SNX30: variants seen among roughly 807,000 people sequenced by gnomAD.
The protein encoded by SNX30 is sorting nexin-30.
A neutral mutation model predicts 46.4 loss-of-function variants in SNX30; 24 were observed. The observed-to-expected ratio is 0.52, with a 90% CI of 0.37 to 0.73. The LOEUF (loss-of-function observed/expected upper bound fraction) is 0.73, where lower values mean the gene tolerates loss of function less well. Among genes scored for constraint, SNX30 ranks in the 30% least tolerant of loss-of-function variants. SNX30 has a pLI of 0.00. For synonymous variants in SNX30, 189 were observed against 211.5 expected (o/e 0.89, Z 0.92); for missense variants, 533 against 555.7 (o/e 0.96, Z 0.41).
chr9:112,825,811 A>G lies in SNX30; in HGVS notation c.460-4914A>G, dbSNP rs1435138468. Among the ~76,000 whole-genome samples the G allele has an allele frequency of 2.0e-5, 3 of 152,138 alleles. No individual in the cohort carries two copies. The East Asian group carries it at 5.8e-4, about 29-fold the overall frequency. On this transcript the variant is annotated intron_variant, in intron 3 of 8. Coordinates refer to ENST00000374232, the MANE Select transcript of SNX30 (RefSeq NM_001012994.2). ...ATAGATGGACTTGATTTCACCTGCA[A>G]CCCAGATTCCTATGTGTAAACAACC...
At chr9:112,868,732 C>A in intron 8 of SNX30, 52 bp from the exon 9 acceptor site, 1 of 1,601,808 alleles carries the variant, frequency 6.2e-7, no homozygotes, top group Non-Finnish European at 8.6e-7. Flanking sequence ...TTGAAGCTGA[C>A]CCGAAATCGG....
chr9:112,832,147 T>C (rs1840668690), intron 4 of SNX30, among the ~76,000 whole-genome samples: 1 of 152,050 alleles, frequency 6.6e-6, no homozygotes, highest in African/African-American at 2.4e-5. Context: ...GACATTCCAG[T>C]TCAGCATCTC....
At chr9:112,750,102 G>A (rs1157793985), upstream of SNX30, among the ~76,000 whole-genome samples, 1 of 152,162 alleles carries the variant, frequency 6.6e-6, no homozygotes, top group Admixed American at 6.5e-5. Context: ...AAGTCTCTTC[G>A]GCCAAAGTGT....
At chr9:112,809,403 G>A (rs563705510) in intron 2 of SNX30, among the ~76,000 whole-genome samples, 119 of 152,238 alleles carry the variant, frequency 7.8e-4, no homozygotes, top group African/African-American at 2.7e-3. Flanking sequence ...TTTCAAGAGA[G>A]GGATGGCCCC....
chr9:112,783,556 T>C (rs1839877902), intron 1 of SNX30, among the ~76,000 whole-genome samples: 1 of 152,194 alleles, frequency 6.6e-6, no homozygotes, highest in South Asian at 2.1e-4. Flanking sequence ...AAGACTTTGC[T>C]TTCTATTTTG....
chr9:112,795,765 TCACACACACA>T (rs1554751568), intron 1 of SNX30, among the ~76,000 whole-genome samples: 17 of 123,222 alleles, frequency 1.4e-4, no homozygotes, highest in East Asian at 1.3e-3. Flanking sequence ...CACAGTACAG[TCACACACACA>T]CACACACACA....
intron 5 of SNX30, among the ~76,000 whole-genome samples, chr9:112,881,165 CTT>C (rs1323065112): frequency 6.6e-6 from 1 of 152,184 alleles, no homozygotes; most frequent in African/African-American, 2.4e-5. Flanking sequence ...ATCAGTGTGA[CTT>C]AGGCATGTCC....
chr9:112,825,682 C>T (rs192962105), intron 3 of SNX30, among the ~76,000 whole-genome samples: 24 of 152,150 alleles, frequency 1.6e-4, no homozygotes, highest in Non-Finnish European at 2.6e-4. Context: ...TTTTTGTTCT[C>T]GGTGCTTACA....
intron 7 of SNX30, among the ~76,000 whole-genome samples, chr9:112,852,039 G>A (rs562731553): frequency 4.9e-4 from 74 of 152,196 alleles, no homozygotes; most frequent in Non-Finnish European, 9.7e-4. Flanking sequence ...AAGTGAGACT[G>A]AGACATGGCT....
rs1181668627 is a variant in SNX30, at chr9:112,872,059, A to G, written c.*3216A>G. ...CTTTCTTTAGTTGAAATAAACCAGCATGACCTGGAGATCATGGTGACTGTA... is the reference window on the plus strand; with the variant it reads ...CTTTCTTTAGTTGAAATAAACCAGCGTGACCTGGAGATCATGGTGACTGTA... On this transcript the variant is annotated 3_prime_UTR_variant, in exon 9 of 9. Transcript: ENST00000374232. 6 of 152,196 alleles carry G rather than the reference A, an allele frequency of 3.9e-5. No homozygotes were observed. Among genetic ancestry groups the G allele is most frequent in the Non-Finnish European group, 7.3e-5 (5 of 68,038 alleles). The allele number at this position is 152,196 out of a possible 1,614,324, so 9.4% of individuals were successfully genotyped here.
chr9:112,866,430 G>C, intron 8 of SNX30: 1 of 470,666 alleles, frequency 2.1e-6, no homozygotes. Context: ...TGGTACATTT[G>C]AGGACCAAAT....
chr9:112,848,421 A>AAC (rs1485602580), intron 6 of SNX30, among the ~76,000 whole-genome samples: 2 of 152,102 alleles, frequency 1.3e-5, no homozygotes, highest in African/African-American at 4.8e-5. Context: ...CTTGATTCAG[A>AAC]ACACGTTGCC....
At chr9:112,761,144 A>G (rs1004873492) in intron 1 of SNX30, among the ~76,000 whole-genome samples, 4 of 149,012 alleles carry the variant, frequency 2.7e-5, no homozygotes, top group African/African-American at 9.9e-5. Context: ...AGCTAGTCCT[A>G]GAGGGCGTGG....
At chr9:112,793,626 A>G (rs1056962935) in intron 1 of SNX30, among the ~76,000 whole-genome samples, 2 of 152,142 alleles carry the variant, frequency 1.3e-5, no homozygotes, top group East Asian at 3.8e-4. Context: ...AATAACCTGA[A>G]GTAACTTCGG....
intron 7 of SNX30, among the ~76,000 whole-genome samples, chr9:112,855,244 C>T (rs948801380): frequency 1.1e-4 from 16 of 151,874 alleles, no homozygotes; most frequent in Non-Finnish European, 2.1e-4. Flanking sequence ...CCAGGGAATT[C>T]GGAAGTGGGT....
intron 2 of SNX30, among the ~76,000 whole-genome samples, chr9:112,816,688 A>G (rs1005593328): frequency 3.9e-5 from 6 of 152,224 alleles, no homozygotes; most frequent in Non-Finnish European, 5.9e-5. Context: ...ACTCTCGTTC[A>G]TGTGCTTAAA....
intron 8 of SNX30, chr9:112,866,594 C>T: frequency 6.4e-6 from 3 of 467,336 alleles, no homozygotes; most frequent in South Asian, 4.7e-5. Context: ...AGCTTCCTCT[C>T]TAACCTCAGA....
At chr9:112,757,078 A>G (rs1028180914) in intron 1 of SNX30, among the ~76,000 whole-genome samples, 1 of 152,228 alleles carries the variant, frequency 6.6e-6, no homozygotes, top group African/African-American at 2.4e-5. Context: ...CATGTTCTAC[A>G]TTAGATCTCC....
At chr9:112,821,453 GTGTGTGTGTATATGTGTGTATATATA>G (rs1840493058) in intron 3 of SNX30, among the ~76,000 whole-genome samples, 1 of 151,516 alleles carries the variant, frequency 6.6e-6, no homozygotes, top group African/African-American at 2.4e-5. Flanking sequence ...GTGTATATAT[GTGTGTGTGTATATGTGTGTATATATA>G]TGTGTGTGTA....
Sources: gnomAD v4.1 joint callset for allele counts (sites outside exome capture counted in the v4.1 genomes callset) on GRCh38, gnomAD v4.1.1 for gene constraint, MANE v1.5 for transcripts, NCBI Gene and HGNC (gene_info 2026-07-23, HGNC 2026-07-21) for gene names.